CNTNAP2: variants seen among roughly 807,000 people sequenced by gnomAD.
The protein encoded by CNTNAP2 is contactin associated protein 2.
In CNTNAP2, 98 loss-of-function variants were observed where a neutral mutation model predicts 155.2. That is an observed-to-expected ratio of 0.63 (90% CI 0.54 to 0.75). The LOEUF (loss-of-function observed/expected upper bound fraction) is 0.75, where lower values mean the gene tolerates loss of function less well. Among genes scored for constraint, CNTNAP2 ranks in the 30% least tolerant of loss-of-function variants. CNTNAP2 has a pLI of 0.00. For missense variants in CNTNAP2, 1,727 were observed against 1,688.1 expected, an observed-to-expected ratio of 1.02 and a Z score of -0.40; for synonymous variants, 651 against 631.2, an observed-to-expected ratio of 1.03 and a Z score of -0.47.
At chr7:146,569,457 G>A (rs927916097) in intron 1 of CNTNAP2, among the ~76,000 whole-genome samples, 50 of 152,320 alleles carry the variant, frequency 3.3e-4, no homozygotes, top group East Asian at 1.7e-3. Context: ...TGAAAAGAAA[G>A]AAGGACTAGC....
chr7:146,573,955 C>T (rs1798481849), intron 1 of CNTNAP2, among the ~76,000 whole-genome samples: 1 of 152,090 alleles, frequency 6.6e-6, no homozygotes, highest in South Asian at 2.1e-4. Context: ...ATTTCAATAA[C>T]ATTAGATGTT....
chr7:146,616,077 T>A (rs1334570638), intron 1 of CNTNAP2, among the ~76,000 whole-genome samples: 1 of 152,158 alleles, frequency 6.6e-6, no homozygotes, highest in Admixed American at 6.5e-5. Context: ...TTTGTTTTTT[T>A]CCTATTGCAG....
intron 9 of CNTNAP2, among the ~76,000 whole-genome samples, chr7:147,321,576 A>C: frequency 6.6e-6 from 1 of 152,158 alleles, no homozygotes; most frequent in East Asian, 1.9e-4. Flanking sequence ...GGTGAGTTCT[A>C]GACTAACTTC....
chr7:146,120,001 A>G (rs1212251310), intron 1 of CNTNAP2, among the ~76,000 whole-genome samples: 2 of 151,872 alleles, frequency 1.3e-5, no homozygotes, highest in East Asian at 1.9e-4. Flanking sequence ...AAAAATGTGT[A>G]TATTTATATA....
intron 16 of CNTNAP2, among the ~76,000 whole-genome samples, chr7:148,142,262 T>C (rs1805090578): frequency 1.3e-5 from 2 of 152,090 alleles, no homozygotes; most frequent in African/African-American, 2.4e-5. Flanking sequence ...AGATGAACTC[T>C]TTACTTCTTT....
At position 146,483,294 on chromosome 7, in the gene CNTNAP2, T is replaced by A. The variant is rs1427924061; in HGVS notation, c.98-290977T>A. On this transcript the variant is annotated intron_variant, in intron 1 of 23. Coordinates refer to ENST00000361727, the MANE Select transcript of CNTNAP2 (RefSeq NM_014141.6). The stretch of plus-strand genomic sequence containing the variant: ...CCGTCTAAAAAAAAATATATATATA[T>A]ATATATATATATATATATATATATA... Among the ~76,000 whole-genome samples the A allele has an allele frequency of 2.8e-3, 167 of 59,602 alleles. 5 individuals carry two copies. The highest frequency in any genetic ancestry group is 0.011 in the African/African-American group (101 of 9,078). 39.1% of individuals were successfully genotyped at this position (59,602 alleles called of 152,430 possible).
At chr7:146,134,127 C>T (rs1196343837) in intron 1 of CNTNAP2, among the ~76,000 whole-genome samples, 2 of 150,492 alleles carry the variant, frequency 1.3e-5, no homozygotes, top group Non-Finnish European at 3.0e-5. Context: ...AGAGGTCCTT[C>T]ACATCCCTTG....
chr7:147,333,978 A>T lies in CNTNAP2; in HGVS notation c.1498+33688A>T, dbSNP rs140971331. Reference sequence around the variant, plus strand: ...AAAGCAGACTTGGATCCATGATGAGACACAATTGTTTTCTGTATGCCAAAG... The same window carrying T: ...AAAGCAGACTTGGATCCATGATGAGTCACAATTGTTTTCTGTATGCCAAAG... On this transcript the variant is annotated intron_variant, in intron 9 of 23. Coordinates refer to ENST00000361727, the MANE Select transcript of CNTNAP2 (RefSeq NM_014141.6). Among the ~76,000 whole-genome samples the T allele has an allele frequency of 2.4e-4, 37 of 152,222 alleles. 1 individual carries two copies. In the East Asian group the frequency reaches 6.6e-3, roughly 27 times the overall value.
chr7:147,949,444 A>G (rs1403665232), intron 14 of CNTNAP2, among the ~76,000 whole-genome samples: 2 of 137,312 alleles, frequency 1.5e-5, no homozygotes, highest in Admixed American at 7.2e-5. Flanking sequence ...CTGTGTGTAT[A>G]TATATATATA....
At chr7:148,050,259 G>C (rs1204324237) in intron 15 of CNTNAP2, among the ~76,000 whole-genome samples, 2 of 152,236 alleles carry the variant, frequency 1.3e-5, no homozygotes, top group Non-Finnish European at 2.9e-5. Context: ...AGCTCTGTGT[G>C]TGTCACTGCC....
chr7:148,347,442 C>G (rs1177920), intron 21 of CNTNAP2, among the ~76,000 whole-genome samples: 50,215 of 151,978 alleles, frequency 0.33, 8,865 homozygotes, highest in Non-Finnish European at 0.4. Context: ...AACCCCAGAA[C>G]AGTAAACACA....
At position 148,371,296 on chromosome 7, in the gene CNTNAP2, A is replaced by G. The variant is rs536226101; in HGVS notation, c.3476-12353A>G. Among the ~76,000 whole-genome samples the G allele has an allele frequency of 1.7e-3, 264 of 152,282 alleles. 1 individual carries two copies. The highest frequency in any genetic ancestry group is 6.2e-3 in the African/African-American group (258 of 41,552). On this transcript the variant is annotated intron_variant, in intron 21 of 23. Transcript: ENST00000361727. Reference sequence around the variant, plus strand: ...CGTGCAGTTACCAGGTGTGTCCTATACAATTTGGTATTGAAGGTGATTGGG... The same window carrying G: ...CGTGCAGTTACCAGGTGTGTCCTATGCAATTTGGTATTGAAGGTGATTGGG...
At chr7:148,184,160 C>T (rs1179686029) in intron 18 of CNTNAP2, among the ~76,000 whole-genome samples, 2 of 152,014 alleles carry the variant, frequency 1.3e-5, no homozygotes, top group Non-Finnish European at 2.9e-5. Context: ...AAACCAGGCA[C>T]GGTGGCTCAT....
intron 1 of CNTNAP2, among the ~76,000 whole-genome samples, chr7:146,266,863 C>G (rs996066610): frequency 6.7e-6 from 1 of 150,018 alleles, no homozygotes; most frequent in African/African-American, 2.5e-5. Flanking sequence ...GCACACTCTT[C>G]TAAGGAAGGT....
At chr7:147,491,775 G>T (rs1798613868) in intron 11 of CNTNAP2, among the ~76,000 whole-genome samples, 1 of 152,036 alleles carries the variant, frequency 6.6e-6, no homozygotes, top group African/African-American at 2.4e-5. Flanking sequence ...CACTTACAGG[G>T]CAAAAAGAAA....
At chr7:147,473,131 GC>G (rs1312910738) in intron 10 of CNTNAP2, among the ~76,000 whole-genome samples, 1 of 152,194 alleles carries the variant, frequency 6.6e-6, no homozygotes, top group Non-Finnish European at 1.5e-5. Context: ...GAGAAAAGGA[GC>G]TTTTGTGGAC....
At chr7:146,151,644 ATATATATAT>A (rs1562968871) in intron 1 of CNTNAP2, among the ~76,000 whole-genome samples, 2 of 67,780 alleles carry the variant, frequency 3.0e-5, no homozygotes, top group African/African-American at 7.9e-5. Context: ...TGATATATAT[ATATATATAT>A]ATATATATAT....
rs139874491 is a variant in CNTNAP2, at chr7:146,216,408, G to C, written c.97+99435G>C. Among the ~76,000 whole-genome samples the C allele has an allele frequency of 1.7e-3, 258 of 152,282 alleles. 1 individual carries two copies. The highest frequency in any genetic ancestry group is 5.9e-3 in the African/African-American group (247 of 41,566). ...TGACTAGAGAGGGTTTTAAAAAGTG[G>C]TTTTATATTTGATGGAACCCTTGTT... is the stretch of plus-strand genomic sequence containing the variant. On this transcript the variant is annotated intron_variant, in intron 1 of 23. Transcript: ENST00000361727.
Position 147,353,486 on chromosome 7 carries a change from C to A in CNTNAP2, c.1499-42123C>A, listed in dbSNP as rs187890227. Among the ~76,000 whole-genome samples the A allele has an allele frequency of 6.0e-4, 92 of 152,118 alleles. 2 individuals are homozygous for A. Among genetic ancestry groups the A allele is most frequent in the African/African-American group, 2.2e-3 (90 of 41,524 alleles). ...GCAAAGGACATGAACCCATCCTTTT[C>A]TATGGCTGCATAGTATTCCGTGGTG... On this transcript the variant is annotated intron_variant, in intron 9 of 23. Transcript: ENST00000361727.
Sources: gnomAD v4.1 joint callset for allele counts (sites outside exome capture counted in the v4.1 genomes callset) on GRCh38, gnomAD v4.1.1 for gene constraint, MANE v1.5 for transcripts, NCBI Gene and HGNC (gene_info 2026-07-23, HGNC 2026-07-21) for gene names.